The following UBE2H variants were observed in gnomAD, a reference collection of about 807,000 sequenced individuals.
UBE2H encodes the protein ubiquitin-conjugating enzyme E2 H.
Under a neutral mutation model 29.0 loss-of-function variants are expected in UBE2H, and 3 were observed. The ratio of observed to expected loss-of-function variants is 0.10; its 90% CI spans 0.05 to 0.27. The LOEUF (loss-of-function observed/expected upper bound fraction) is 0.27. Among genes scored for constraint, UBE2H ranks in the 10% least tolerant of loss-of-function variants. The probability of loss-of-function intolerance (pLI) is 1.00; values close to 1 mark genes in which losing one functional copy is unlikely to be tolerated. For synonymous variants in UBE2H, 69 were observed against 82.9 expected (o/e 0.83, Z 0.91); for missense variants, 68 against 228.2 (o/e 0.30, Z 4.52).
At position 129,952,826 on chromosome 7, in the gene UBE2H, C is replaced by G. The variant is rs969546861; in HGVS notation, c.-271G>C. ...GCGGCCCTGCCCCGGCGCTCCTCTG[C>G]GCCGCGCGACGCTCCCTCCTGCCTG... is the stretch of plus-strand genomic sequence containing the variant. On this transcript the variant is annotated 5_prime_UTR_variant, in exon 1 of 7. Transcript: ENST00000355621. 71 of 270,648 alleles carry G rather than the reference C, an allele frequency of 2.6e-4. No individual in the cohort carries two copies. The highest frequency in any genetic ancestry group is 4.2e-4 in the Non-Finnish European group (61 of 145,718). 16.8% of individuals were successfully genotyped at this position (270,648 alleles called of 1,614,324 possible).
intron 5 of UBE2H, among the ~76,000 whole-genome samples, chr7:129,845,858 T>C (rs1805501966): frequency 6.6e-6 from 1 of 152,214 alleles, no homozygotes; most frequent in African/African-American, 2.4e-5. Flanking sequence ...AAGTATAACA[T>C]TGCTATTCCT....
chr7:129,842,537 T>C (rs1188507800), intron 5 of UBE2H, among the ~76,000 whole-genome samples: 1 of 152,258 alleles, frequency 6.6e-6, no homozygotes, highest in Non-Finnish European at 1.5e-5. Context: ...AAAATGTTTT[T>C]ATTTTCTTAT....
intron 5 of UBE2H, among the ~76,000 whole-genome samples, chr7:129,851,643 G>A (rs1028601918): frequency 2.0e-5 from 3 of 152,208 alleles, no homozygotes; most frequent in Non-Finnish European, 4.4e-5. Context: ...CGAAAGTAGA[G>A]CATAGCTGTG....
At chr7:129,948,605 G>A (rs971362512) in intron 1 of UBE2H, among the ~76,000 whole-genome samples, 1 of 152,000 alleles carries the variant, frequency 6.6e-6, no homozygotes, top group African/African-American at 2.4e-5. Context: ...TTTGAGGCCA[G>A]GAGTTGGGAG....
chr7:129,925,478 G>C (rs577501235), intron 1 of UBE2H, among the ~76,000 whole-genome samples: 1 of 152,262 alleles, frequency 6.6e-6, no homozygotes, highest in South Asian at 2.1e-4. Flanking sequence ...TCCCAAATAT[G>C]TAAATGAAAG....
intron 1 of UBE2H, among the ~76,000 whole-genome samples, chr7:129,913,074 A>C (rs1208288964): frequency 1.3e-5 from 2 of 152,054 alleles, no homozygotes; most frequent in African/African-American, 4.8e-5. Context: ...AACATAGTGA[A>C]ACCTCGTCTC....
intron 1 of UBE2H, among the ~76,000 whole-genome samples, chr7:129,947,610 A>G (rs1807791463): frequency 6.6e-6 from 1 of 152,242 alleles, no homozygotes; most frequent in East Asian, 1.9e-4. Flanking sequence ...ACAGGTGTAC[A>G]GATCCCCATA....
intron 1 of UBE2H, among the ~76,000 whole-genome samples, chr7:129,925,716 C>T (rs1212107242): frequency 6.6e-6 from 1 of 152,182 alleles, no homozygotes; most frequent in Non-Finnish European, 1.5e-5. Flanking sequence ...GGAATAGTCT[C>T]AGCTAGCTCT....
In UBE2H at chr7:129,921,771, T is replaced by C. The variant is rs1359915994; in HGVS notation, c.53+30732A>G. On this transcript the variant is annotated intron_variant, in intron 1 of 6. Transcript: ENST00000355621. ...GAACATTTTTCCCACTAACATTGCA[T>C]GGGTTTCAAACCAATCTTTTTGGCG... Among the ~76,000 whole-genome samples the C allele has an allele frequency of 3.3e-5, 5 of 151,778 alleles. No homozygotes were observed. The South Asian group carries it at 8.3e-4, about 25-fold the overall frequency.
intron 3 of UBE2H, among the ~76,000 whole-genome samples, chr7:129,872,864 AAAAAAAAAG>A (rs1158435845): frequency 3.3e-5 from 5 of 150,488 alleles, no homozygotes; most frequent in African/African-American, 1.2e-4. Context: ...AAAAAAAAAA[AAAAAAAAAG>A]AATTATGGCA....
chr7:129,910,736 G>A (rs1806918322), intron 1 of UBE2H, among the ~76,000 whole-genome samples: 1 of 152,056 alleles, frequency 6.6e-6, no homozygotes. Context: ...ACAAAAATTA[G>A]CCAGGTGTGG....
chr7:129,893,099 T>C (rs1417093932), intron 1 of UBE2H, among the ~76,000 whole-genome samples: 1 of 152,174 alleles, frequency 6.6e-6, no homozygotes, highest in Non-Finnish European at 1.5e-5. Context: ...AAGAGTAACA[T>C]ACAGTTTTAA....
At position 129,936,582 on chromosome 7, in the gene UBE2H, A is replaced by C. The variant is rs528417110; in HGVS notation, c.53+15921T>G. ...GCACTCCAGCCTGGGTGACACAGCC[A>C]GACTCCATCTCAAAAAAAAAAAAAA... On this transcript the variant is annotated intron_variant, in intron 1 of 6. Coordinates refer to ENST00000355621, the MANE Select transcript of UBE2H (RefSeq NM_003344.4). Among the ~76,000 whole-genome samples, 5 of 137,990 alleles carry C rather than the reference A, an allele frequency of 3.6e-5. No individual in the cohort carries two copies. The South Asian group carries it at 1.2e-3, about 34-fold the overall frequency. The allele number at this position is 137,990 out of a possible 152,430, so 90.5% of individuals were successfully genotyped here. A position where few individuals can be genotyped will look rare whatever the true frequency, so the allele number is the denominator to read the frequency against.
intron 1 of UBE2H, among the ~76,000 whole-genome samples, chr7:129,915,495 C>T (rs1003003490): frequency 1.3e-4 from 20 of 152,156 alleles, no homozygotes; most frequent in African/African-American, 4.1e-4. Context: ...GATTGCGCCA[C>T]TGCACTCCAG....
intron 1 of UBE2H, among the ~76,000 whole-genome samples, chr7:129,941,540 G>A (rs901344060): frequency 6.6e-6 from 1 of 152,112 alleles, no homozygotes; most frequent in Non-Finnish European, 1.5e-5. Context: ...ACAGGTACAA[G>A]CCAGGTCACC....
At chr7:129,934,638 T>TAAAAAAA (rs758214225) in intron 1 of UBE2H, among the ~76,000 whole-genome samples, 1 of 65,850 alleles carries the variant, frequency 1.5e-5, no homozygotes. Flanking sequence ...ACTCCGTCTT[T>TAAAAAAA]AAAAAAAAAA....
chr7:129,924,616 T>TCACACACACACACACACA (rs147228151), intron 1 of UBE2H, among the ~76,000 whole-genome samples: 100 of 144,008 alleles, frequency 6.9e-4, no homozygotes, highest in African/African-American at 1.9e-3. Flanking sequence ...CCTTTTACAT[T>TCACACACACACACACACA]CACACACACA....
At chr7:129,920,274 T>C (rs1168295454) in intron 1 of UBE2H, among the ~76,000 whole-genome samples, 1 of 152,158 alleles carries the variant, frequency 6.6e-6, no homozygotes, top group Non-Finnish European at 1.5e-5. Flanking sequence ...TGGGTATCAA[T>C]GTAAAATACA....
intron 1 of UBE2H, among the ~76,000 whole-genome samples, chr7:129,933,384 AC>A (rs1432833926): frequency 2.0e-5 from 3 of 152,234 alleles, no homozygotes; most frequent in African/African-American, 4.8e-5. Flanking sequence ...AAAACAGGGT[AC>A]TAAAAAGCTC....
Sources: allele counts gnomAD v4.1 joint callset (sites outside exome capture counted in the v4.1 genomes callset), GRCh38; gene constraint gnomAD v4.1.1; transcripts MANE v1.5; gene names NCBI Gene and HGNC (gene_info 2026-07-23, HGNC 2026-07-21).